The following SLC35B1 variants were observed in gnomAD, a reference collection of about 807,000 sequenced individuals.
SLC35B1 encodes the protein ATP/ADP exchanger ER.
SLC35B1 carries 27 observed loss-of-function variants against 36.6 expected under a neutral mutation model. That is an observed-to-expected ratio of 0.74 (90% CI 0.54 to 1.02). The LOEUF (loss-of-function observed/expected upper bound fraction) is 1.02, where lower values mean the gene tolerates loss of function less well. Among genes scored for constraint, SLC35B1 ranks in the 50% least tolerant of loss-of-function variants. The pLI is 0.00. For missense variants in SLC35B1, 321 were observed against 383.2 expected (o/e 0.84, Z 1.35); for synonymous variants, 162 against 152.5 (o/e 1.06, Z -0.46).
At chr17:49,705,931 C>A (rs765514783) in intron 3 of SLC35B1, 35 bp from the exon 4 acceptor site, 1 of 1,608,798 alleles carries the variant, frequency 6.2e-7, no homozygotes, top group Non-Finnish European at 8.5e-7. Context: ...TTCTGAGCAT[C>A]TGTGATGTGT....
intron 8 of SLC35B1, chr17:49,701,825 C>A: frequency 2.9e-6 from 1 of 342,050 alleles, no homozygotes; most frequent in Non-Finnish European, 5.7e-6. Context: ...TGTGGTGACT[C>A]ACACCTGCAA....
At chr17:49,702,068 G>A (rs751508184) in intron 8 of SLC35B1, 38 of 181,828 alleles carry the variant, frequency 2.1e-4, no homozygotes, top group Non-Finnish European at 4.1e-4. Context: ...ACTCCAGCCT[G>A]AGCAACAGAG....
At chr17:49,705,964 A>G in intron 3 of SLC35B1, 68 bp from the exon 4 acceptor site, 1 of 1,518,344 alleles carries the variant, frequency 6.6e-7, no homozygotes, top group Admixed American at 1.7e-5. Context: ...TAGGTACCGC[A>G]CTGATTAAGA....
At chr17:49,703,443 G>A (rs2073377945) in intron 6 of SLC35B1, 149 bp from the exon 7 acceptor site, 1 of 623,048 alleles carries the variant, frequency 1.6e-6, no homozygotes, top group Non-Finnish European at 2.9e-6. Context: ...TGTATGGTGT[G>A]GGTTTGCATC....
At position 49,701,153 on chromosome 17, in the gene SLC35B1, G is replaced by T. The variant is rs191128406; in HGVS notation, c.*305C>A. The T allele has an allele frequency of 6.9e-5, 19 of 275,306 alleles. No individual in the cohort carries two copies. Among genetic ancestry groups the T allele is most frequent in the Admixed American group, 6.8e-4 (15 of 22,070 alleles). The allele number at this position is 275,306 out of a possible 1,614,324, so 17.1% of individuals were successfully genotyped here. A position where few individuals can be genotyped will look rare whatever the true frequency, so the allele number is the denominator to read the frequency against. ...TAATCCTCAGGTTCTTGGAGGAATC[G>T]CCCACTCAACCATGCTAACCACACC... On this transcript the variant is annotated 3_prime_UTR_variant, in exon 9 of 9. Coordinates refer to ENST00000240333, the MANE Select transcript of SLC35B1 (RefSeq NM_005827.4).
In SLC35B1 at chr17:49,701,386, AT is replaced by A; in HGVS notation, c.*71del. On this transcript the variant is annotated 3_prime_UTR_variant, in exon 9 of 9. Transcript: ENST00000240333. ...TCAGTCCCATATTCCTATTAAGTCC[AT>A]TTTCCCAAGAGATGTCACTGTTTGA... The A allele has an allele frequency of 8.0e-7, 1 of 1,253,890 alleles. No homozygotes were observed. The highest frequency in any genetic ancestry group is 1.2e-6 in the Non-Finnish European group (1 of 855,906). 77.7% of individuals were successfully genotyped at this position (1,253,890 alleles called of 1,614,324 possible).
At chr17:49,704,569 G>A (rs980959460) in intron 5 of SLC35B1, among the ~76,000 whole-genome samples, 5 of 152,274 alleles carry the variant, frequency 3.3e-5, no homozygotes, top group Admixed American at 1.3e-4. Flanking sequence ...TCCAGAGACC[G>A]GATCCTGTGC....
intron 6 of SLC35B1, chr17:49,703,702 C>A: frequency 3.2e-6 from 1 of 316,368 alleles, no homozygotes. Flanking sequence ...TCTACATGTG[C>A]CCAAATTTGA....
intron 4 of SLC35B1, 131 bp from the exon 5 acceptor site, chr17:49,705,412 C>T: frequency 2.1e-6 from 2 of 941,024 alleles, no homozygotes; most frequent in South Asian, 3.5e-5. Context: ...TTAGAGAGGA[C>T]AAAAGGAGGG....
At chr17:49,703,880 A>G in intron 6 of SLC35B1, 1 of 519,512 alleles carries the variant, frequency 1.9e-6, no homozygotes, top group East Asian at 3.6e-5. Flanking sequence ...TCCCATGACA[A>G]CTGACACACG....
intron 1 of SLC35B1, 197 bp from the exon 2 acceptor site, chr17:49,707,265 T>C (rs2143666887): frequency 6.9e-7 from 1 of 1,457,942 alleles, no homozygotes; most frequent in East Asian, 2.7e-5. Context: ...CCCAGCCTAC[T>C]GATTCCAAAG....
intron 8 of SLC35B1, chr17:49,702,439 AG>A (rs1016112655): frequency 1.5e-4 from 24 of 157,012 alleles, no homozygotes; most frequent in African/African-American, 5.5e-4. Context: ...CTTTTAAAAA[AG>A]TTTTCTCTGG....
intron 5 of SLC35B1, 194 bp downstream of exon 5, chr17:49,704,930 G>T: frequency 1.9e-6 from 1 of 534,400 alleles, no homozygotes; most frequent in Non-Finnish European, 3.3e-6. Flanking sequence ...AATGAGAGCT[G>T]AGTTGTAGTT....
At chr17:49,706,446 G>T in intron 2 of SLC35B1, 112 bp from the exon 3 acceptor site, 2 of 1,018,198 alleles carry the variant, frequency 2.0e-6, no homozygotes, top group Non-Finnish European at 1.3e-6. Context: ...GAAGCCACAT[G>T]AAAGGAACTT....
chr17:49,706,934 G>A (rs752616695), intron 2 of SLC35B1, 31 bp downstream of exon 2: 2 of 1,513,046 alleles, frequency 1.3e-6, no homozygotes, highest in Non-Finnish European at 1.8e-6. Context: ...GGGTGGTGGG[G>A]TACCCAACAA....
At chr17:49,706,067 T>A in intron 3 of SLC35B1, 137 bp downstream of exon 3, 1 of 1,344,496 alleles carries the variant, frequency 7.4e-7, no homozygotes, top group Non-Finnish European at 1.0e-6. Flanking sequence ...AGTTCTATGG[T>A]TCTATACACT....
chr17:49,703,909 A>G (rs991177734), intron 6 of SLC35B1, 191 bp downstream of exon 6: 2 of 595,822 alleles, frequency 3.4e-6, no homozygotes, highest in African/African-American at 1.9e-5. Context: ...TCATTGTGCC[A>G]GTAACAAGTA....
rs1220537749 is a variant in SLC35B1, at chr17:49,701,938, A to AG, written c.917-429_917-428insC. 1.4e-5 allele frequency: 6 copies of AG among 414,698 alleles called. No individual in the cohort carries two copies. The East Asian group carries it at 4.5e-4, about 31-fold the overall frequency. The allele number at this position is 414,698 out of a possible 1,614,324, so 25.7% of individuals were successfully genotyped here. On this transcript the variant is annotated intron_variant, in intron 8 of 8. Transcript: ENST00000240333. ...GACCCCATCGCTACAAAAAAAAAAA[A>AG]AAAAATTGGTCAGGTATTGTGGTAC... is the stretch of plus-strand genomic sequence containing the variant.
rs200158348 is a variant in SLC35B1 at position 49,706,271 on chromosome 17, G to C, written c.272C>G (p.Ser91Cys). Reference protein sequence around the residue: ...RTRSWLYAACSISYLGAMVSS... With the variant: ...RTRSWLYAACCISYLGAMVSS... The stretch of plus-strand genomic sequence containing the variant: ...GACCATGGCACCCAGATAGGAGATA[G>C]AACAGGCAGCATAGAGCCAGCTCCG... The change falls in exon 3 of 9, where the codon TCT becomes TGT. Residue 91 changes from serine (S) to cysteine (C), a missense_variant. Physicochemically the swap from Ser to Cys is moderately radical, Grantham distance 112. Transcript: ENST00000240333. 5.4e-4 allele frequency: 847 copies of C among 1,556,990 alleles called. No individual in the cohort carries two copies. The highest frequency in any genetic ancestry group is 6.6e-4 in the Non-Finnish European group (767 of 1,154,928).
Sources: gnomAD v4.1 joint callset for allele counts (sites outside exome capture counted in the v4.1 genomes callset) on GRCh38, gnomAD v4.1.1 for gene constraint, MANE v1.5 for transcripts, NCBI Gene and HGNC (gene_info 2026-07-23, HGNC 2026-07-21) for gene names.